SLC44A3: variants seen among roughly 807,000 people sequenced by gnomAD.
SLC44A3 encodes the protein choline transporter-like protein 3.
A neutral mutation model predicts 75.4 loss-of-function variants in SLC44A3; 74 were observed. The observed-to-expected ratio is 0.98, with a 90% CI of 0.81 to 1.19. SLC44A3 has a LOEUF of 1.19. Ranked by LOEUF, SLC44A3 falls within the 50% of genes most tolerant of loss-of-function variation. The pLI, the probability that SLC44A3 is intolerant of heterozygous loss-of-function variation, is 0.00. For synonymous variants in SLC44A3, 310 were observed against 296.9 expected (o/e 1.04, Z -0.45); for missense variants, 700 against 778.6 (o/e 0.90, Z 1.20).
At chr1:94,853,508 T>C (rs1312852606) in intron 9 of SLC44A3, among the ~76,000 whole-genome samples, 1 of 152,034 alleles carries the variant, frequency 6.6e-6, no homozygotes, top group African/African-American at 2.4e-5. Flanking sequence ...AGGGTGAAAA[T>C]TATTGAAGAG....
intron 9 of SLC44A3, chr1:94,855,406 T>A (rs985803242): frequency 3.3e-5 from 5 of 152,228 alleles, no homozygotes; most frequent in African/African-American, 1.2e-4. Context: ...CTCAGAGCAC[T>A]TCTCATATTC....
chr1:94,892,772 A>G (rs942148893), intron 14 of SLC44A3, among the ~76,000 whole-genome samples: 1 of 152,210 alleles, frequency 6.6e-6, no homozygotes, highest in African/African-American at 2.4e-5. Context: ...CCTAAGTAGC[A>G]GCAGCACTTC....
intron 1 of SLC44A3, 162 bp downstream of exon 1, chr1:94,820,640 A>C: frequency 7.2e-7 from 1 of 1,383,908 alleles, no homozygotes; most frequent in South Asian, 1.7e-5. Flanking sequence ...AGGAACCTGG[A>C]CCCTGCTCCA....
chr1:94,889,126 T>C (rs1399513612), intron 12 of SLC44A3: 1 of 152,066 alleles, frequency 6.6e-6, no homozygotes, highest in East Asian at 1.9e-4. Context: ...GTTTGGTAAA[T>C]TGGGTCAGTT....
chr1:94,872,621 AT>A (rs1481220061), intron 12 of SLC44A3, among the ~76,000 whole-genome samples: 1 of 152,114 alleles, frequency 6.6e-6, no homozygotes. Flanking sequence ...CCTCTTCATT[AT>A]TTGAGTAACT....
At chr1:94,839,555 A>C (rs943691119) in intron 6 of SLC44A3, among the ~76,000 whole-genome samples, 1 of 151,830 alleles carries the variant, frequency 6.6e-6, no homozygotes, top group Admixed American at 6.6e-5. Flanking sequence ...TGCCTGGCTA[A>C]TTTTTGTATT....
chr1:94,847,763 T>C (rs1269867203), intron 9 of SLC44A3, among the ~76,000 whole-genome samples: 3 of 152,180 alleles, frequency 2.0e-5, no homozygotes, highest in Admixed American at 6.5e-5. Context: ...TGGGTATTGT[T>C]ATGTTCAAGT....
chr1:94,894,279 A>C (rs1031037239), intron 14 of SLC44A3, among the ~76,000 whole-genome samples: 1 of 152,200 alleles, frequency 6.6e-6, no homozygotes, highest in Non-Finnish European at 1.5e-5. Flanking sequence ...TGAACTGAAG[A>C]AGCCTCAAGA....
chr1:94,848,509 C>T (rs968459909), intron 9 of SLC44A3, among the ~76,000 whole-genome samples: 18 of 152,214 alleles, frequency 1.2e-4, no homozygotes, highest in African/African-American at 4.3e-4. Context: ...CTCTTCCCAC[C>T]TCCTTAGGTG....
chr1:94,880,579 CTACTT>C (rs1373519354), intron 12 of SLC44A3, among the ~76,000 whole-genome samples: 3 of 151,946 alleles, frequency 2.0e-5, no homozygotes, highest in Non-Finnish European at 2.9e-5. Flanking sequence ...GGTATTTTGA[CTACTT>C]TAGATACTTT....
chr1:94,881,273 C>T (rs1668938229), intron 12 of SLC44A3, among the ~76,000 whole-genome samples: 2 of 152,176 alleles, frequency 1.3e-5, no homozygotes, highest in East Asian at 1.9e-4. Flanking sequence ...CTTGTGGAGG[C>T]ACATGCACCT....
chr1:94,883,178 G>C (rs1293705109), intron 12 of SLC44A3, among the ~76,000 whole-genome samples: 2 of 151,762 alleles, frequency 1.3e-5, no homozygotes, highest in African/African-American at 4.8e-5. Flanking sequence ...GGGCAGGCAT[G>C]GTGGCAGTGC....
At chr1:94,826,989 G>A (rs759949176) in intron 3 of SLC44A3, among the ~76,000 whole-genome samples, 7 of 152,200 alleles carry the variant, frequency 4.6e-5, no homozygotes, top group Admixed American at 1.3e-4. Flanking sequence ...CTGGGGAGCT[G>A]CAGGAGGGTT....
intron 13 of SLC44A3, among the ~76,000 whole-genome samples, chr1:94,891,528 C>G (rs1279578426): frequency 6.6e-6 from 1 of 152,202 alleles, no homozygotes; most frequent in Non-Finnish European, 1.5e-5. Flanking sequence ...GTGATCAGTT[C>G]TACCATTCTG....
intron 8 of SLC44A3, among the ~76,000 whole-genome samples, chr1:94,842,455 A>T (rs1451705988): frequency 6.6e-6 from 1 of 152,144 alleles, no homozygotes; most frequent in Non-Finnish European, 1.5e-5. Context: ...CCTGTTTGTG[A>T]GGTGCGGCTC....
chr1:94,841,329 T>G (rs1437170246), intron 7 of SLC44A3, among the ~76,000 whole-genome samples: 1 of 152,148 alleles, frequency 6.6e-6, no homozygotes, highest in African/African-American at 2.4e-5. Flanking sequence ...GTGATTGTCA[T>G]GTTTCTTTCC....
At chr1:94,888,174 G>C (rs1261310300) in intron 12 of SLC44A3, among the ~76,000 whole-genome samples, 1 of 152,202 alleles carries the variant, frequency 6.6e-6, no homozygotes, top group Non-Finnish European at 1.5e-5. Flanking sequence ...ATTGGGATTT[G>C]AGCACAGAGA....
At chr1:94,893,753 A>C (rs1159065545) in intron 14 of SLC44A3, among the ~76,000 whole-genome samples, 2 of 152,176 alleles carry the variant, frequency 1.3e-5, no homozygotes, top group Non-Finnish European at 1.5e-5. Context: ...TGATGGTGGT[A>C]TGTAGCTAGC....
intron 8 of SLC44A3, among the ~76,000 whole-genome samples, chr1:94,843,995 G>T (rs1452697858): frequency 6.6e-6 from 1 of 152,148 alleles, no homozygotes; most frequent in Non-Finnish European, 1.5e-5. Flanking sequence ...GGAAAGGAAG[G>T]CATGAGCGGT....
Sources: allele counts gnomAD v4.1 joint callset (sites outside exome capture counted in the v4.1 genomes callset), GRCh38; gene constraint gnomAD v4.1.1; transcripts MANE v1.5; gene names NCBI Gene and HGNC (gene_info 2026-07-23, HGNC 2026-07-21).